SH3RF3: variants seen among roughly 807,000 people sequenced by gnomAD.
SH3RF3 encodes E3 ubiquitin-protein ligase SH3RF3.
SH3RF3 carries 29 observed loss-of-function variants against 66.3 expected under a neutral mutation model. The observed-to-expected ratio is 0.44, with a 90% CI of 0.33 to 0.60. SH3RF3 has a LOEUF of 0.60. Among genes scored for constraint, SH3RF3 ranks in the 20% least tolerant of loss-of-function variants. SH3RF3 has a pLI of 0.04. For synonymous variants in SH3RF3, 583 were observed against 532.0 expected (o/e 1.10, Z -1.32); for missense variants, 1,194 against 1,190.9 (o/e 1.00, Z -0.04).
chr2:109,249,324 C>T (rs1680001089), intron 1 of SH3RF3, among the ~76,000 whole-genome samples: 2 of 152,190 alleles, frequency 1.3e-5, no homozygotes, highest in African/African-American at 4.8e-5. Context: ...GGAAACCTAA[C>T]ACATAATCTT....
At chr2:109,181,339 T>G (rs1316615929) in intron 1 of SH3RF3, among the ~76,000 whole-genome samples, 2 of 152,224 alleles carry the variant, frequency 1.3e-5, no homozygotes, top group African/African-American at 2.4e-5. Context: ...ATGGGTACAT[T>G]ACTGTTCACT....
intron 1 of SH3RF3, among the ~76,000 whole-genome samples, chr2:109,335,352 G>GT (rs1682388016): frequency 6.6e-6 from 1 of 152,166 alleles, no homozygotes; most frequent in African/African-American, 2.4e-5. Flanking sequence ...TCTCAATGGC[G>GT]TTTATTTCCT....
rs374258628 is a variant in SH3RF3, at chr2:109,499,050, T to G, written c.2481-2453T>G. Among the ~76,000 whole-genome samples the G allele has an allele frequency of 3.0e-3, 462 of 152,256 alleles. 2 individuals are homozygous for G. The highest frequency in any genetic ancestry group is 0.011 in the African/African-American group (448 of 41,556). Reference sequence around the variant, plus strand: ...AGAGGGATGGGGACTGCTGGAGCCCTCTGAGCCTTTGCCCAAAAGGAGCCT... The same window carrying G: ...AGAGGGATGGGGACTGCTGGAGCCCGCTGAGCCTTTGCCCAAAAGGAGCCT... On this transcript the variant is annotated intron_variant, in intron 9 of 9. Coordinates refer to ENST00000309415, the MANE Select transcript of SH3RF3 (RefSeq NM_001099289.3).
At chr2:109,358,528 C>T (rs1042302642) in intron 2 of SH3RF3, among the ~76,000 whole-genome samples, 3 of 152,168 alleles carry the variant, frequency 2.0e-5, no homozygotes, top group East Asian at 1.9e-4. Context: ...CGTGAATGAG[C>T]GTTCCTGTTG....
intron 5 of SH3RF3, among the ~76,000 whole-genome samples, chr2:109,423,791 G>A (rs1676955409): frequency 6.6e-6 from 1 of 152,112 alleles, no homozygotes; most frequent in Admixed American, 6.5e-5. Context: ...AGACAGATGC[G>A]ACCAAGAATA....
At chr2:109,455,965 C>T (rs190197153) in intron 8 of SH3RF3, among the ~76,000 whole-genome samples, 17 of 152,354 alleles carry the variant, frequency 1.1e-4, no homozygotes, top group Non-Finnish European at 2.4e-4. Context: ...GATTCACCCA[C>T]GTGGGAACCA....
chr2:109,371,017 C>A (rs775914204), intron 2 of SH3RF3, among the ~76,000 whole-genome samples: 41 of 152,196 alleles, frequency 2.7e-4, no homozygotes, highest in Non-Finnish European at 4.1e-4. Flanking sequence ...ATAGGAGTTG[C>A]ATTTTAAAGC....
intron 1 of SH3RF3, among the ~76,000 whole-genome samples, chr2:109,322,620 G>T (rs942381986): frequency 6.6e-6 from 1 of 152,244 alleles, no homozygotes; most frequent in African/African-American, 2.4e-5. Flanking sequence ...GTAGTCGCCA[G>T]TCAAATGTCA....
chr2:109,197,336 AGAAGG>A (rs151267295), intron 1 of SH3RF3, among the ~76,000 whole-genome samples: 1 of 152,140 alleles, frequency 6.6e-6, no homozygotes, highest in African/African-American at 2.4e-5. Context: ...GGAGGGGTTA[AGAAGG>A]GAAGGGAAGG....
At chr2:109,131,311 TGGG>T (rs1189669530) in intron 1 of SH3RF3, among the ~76,000 whole-genome samples, 1 of 152,194 alleles carries the variant, frequency 6.6e-6, no homozygotes, top group African/African-American at 2.4e-5. Context: ...GGGGGTCACT[TGGG>T]GGGCACTGCT....
At chr2:109,309,360 A>G (rs1027052771) in intron 1 of SH3RF3, among the ~76,000 whole-genome samples, 7 of 150,070 alleles carry the variant, frequency 4.7e-5, no homozygotes, top group Non-Finnish European at 2.9e-5. Context: ...AGCGCTAAAC[A>G]TGGAAAGGAA....
At chr2:109,333,290 G>T (rs1470951017) in intron 1 of SH3RF3, among the ~76,000 whole-genome samples, 2 of 152,208 alleles carry the variant, frequency 1.3e-5, no homozygotes, top group Non-Finnish European at 2.9e-5. Context: ...AAGAGCCCTA[G>T]CATATCCTTG....
At chr2:109,494,638 G>A (rs556126441) in intron 9 of SH3RF3, among the ~76,000 whole-genome samples, 348 of 152,310 alleles carry the variant, frequency 2.3e-3, no homozygotes, top group African/African-American at 7.0e-3. Flanking sequence ...ACACTCAGCT[G>A]CCAAGCACTC....
intron 1 of SH3RF3, among the ~76,000 whole-genome samples, chr2:109,258,340 G>A (rs112140523): frequency 4.1e-3 from 624 of 152,278 alleles, no homozygotes; most frequent in Non-Finnish European, 7.1e-3. Context: ...TCTAAAGAGC[G>A]AGAAACTGCA....
intron 2 of SH3RF3, among the ~76,000 whole-genome samples, chr2:109,348,578 A>C (rs1682768491): frequency 6.6e-6 from 1 of 152,212 alleles, no homozygotes; most frequent in South Asian, 2.1e-4. Context: ...TTGCTGTTGA[A>C]TAATCATCTG....
At chr2:109,306,837 G>A (rs1248937259) in intron 1 of SH3RF3, among the ~76,000 whole-genome samples, 2 of 152,212 alleles carry the variant, frequency 1.3e-5, no homozygotes, top group Non-Finnish European at 2.9e-5. Context: ...TCTGGTCGAC[G>A]TGTATGTTGA....
At chr2:109,230,662 C>T (rs898345646) in intron 1 of SH3RF3, among the ~76,000 whole-genome samples, 17 of 152,172 alleles carry the variant, frequency 1.1e-4, no homozygotes, top group African/African-American at 2.7e-4. Flanking sequence ...TCCTGATAAA[C>T]CCATTGTAAT....
At chr2:109,284,593 T>A (rs1680980958) in intron 1 of SH3RF3, among the ~76,000 whole-genome samples, 1 of 152,218 alleles carries the variant, frequency 6.6e-6, no homozygotes, top group Non-Finnish European at 1.5e-5. Context: ...TTTGGCTGGA[T>A]GAAGGGCATA....
At chr2:109,418,528 T>C (rs992305870) in intron 4 of SH3RF3, among the ~76,000 whole-genome samples, 2 of 152,108 alleles carry the variant, frequency 1.3e-5, no homozygotes, top group African/African-American at 4.8e-5. Context: ...CTGTCACTGC[T>C]CCGTCCTCAC....
Sources: allele counts gnomAD v4.1 joint callset (sites outside exome capture counted in the v4.1 genomes callset), GRCh38; gene constraint gnomAD v4.1.1; transcripts MANE v1.5; gene names NCBI Gene and HGNC (gene_info 2026-07-23, HGNC 2026-07-21).